LNX1: variants seen among roughly 807,000 people sequenced by gnomAD.
LNX1 encodes the protein E3 ubiquitin-protein ligase LNX.
A neutral mutation model predicts 68.4 loss-of-function variants in LNX1; 54 were observed. The observed-to-expected ratio is 0.79, with a 90% CI of 0.63 to 0.99. The LOEUF (loss-of-function observed/expected upper bound fraction) is 0.99, where lower values mean the gene tolerates loss of function less well. Among genes scored for constraint, LNX1 ranks in the 50% least tolerant of loss-of-function variants. The pLI is 0.00. For synonymous variants in LNX1, 336 were observed against 350.0 expected (o/e 0.96, Z 0.45); for missense variants, 906 against 926.4 (o/e 0.98, Z 0.29).
At chr4:53,540,599 T>C (rs1285900717) in intron 2 of LNX1, among the ~76,000 whole-genome samples, 2 of 151,744 alleles carry the variant, frequency 1.3e-5, no homozygotes, top group Admixed American at 1.3e-4. Flanking sequence ...GAAGAATTGC[T>C]TGAACCCAGG....
chr4:53,572,239 AG>A (rs1731212659), intron 2 of LNX1, among the ~76,000 whole-genome samples: 1 of 152,124 alleles, frequency 6.6e-6, no homozygotes, highest in African/African-American at 2.4e-5. Context: ...TTTCAGCAAA[AG>A]TCACAAATAG....
chr4:53,594,942 C>T (rs1283888968), upstream of LNX1, among the ~76,000 whole-genome samples: 3 of 151,882 alleles, frequency 2.0e-5, no homozygotes, highest in African/African-American at 4.8e-5. Context: ...AAACTCCTGA[C>T]CTCAAGTGAT....
chr4:53,616,820 A>G (rs1338409846), intron 1 of LNX1, among the ~76,000 whole-genome samples: 1 of 152,222 alleles, frequency 6.6e-6, no homozygotes, highest in Non-Finnish European at 1.5e-5. Flanking sequence ...TCCCAAGATA[A>G]CATAGGTAAA....
chr4:53,644,524 T>C (rs895291210), intron 1 of LNX1, among the ~76,000 whole-genome samples: 1 of 152,240 alleles, frequency 6.6e-6, no homozygotes, highest in South Asian at 2.1e-4. Flanking sequence ...TGTTGACATA[T>C]GCTATATGTT....
At chr4:53,558,900 A>G (rs1224824830) in intron 2 of LNX1, among the ~76,000 whole-genome samples, 1 of 152,146 alleles carries the variant, frequency 6.6e-6, no homozygotes, top group African/African-American at 2.4e-5. Flanking sequence ...TTCCAGCTTT[A>G]AGATCTGGGA....
intron 2 of LNX1, among the ~76,000 whole-genome samples, chr4:53,571,037 AAAAG>A (rs1202230462): frequency 6.6e-6 from 1 of 151,886 alleles, no homozygotes; most frequent in Non-Finnish European, 1.5e-5. Flanking sequence ...AAAAAAAAAA[AAAAG>A]AATCTTTTTT....
chr4:53,595,081 G>A (rs1442326464), upstream of LNX1, among the ~76,000 whole-genome samples: 1 of 152,190 alleles, frequency 6.6e-6, no homozygotes, highest in Admixed American at 6.5e-5. Context: ...TATTGGTGTT[G>A]GCTGGTGCCA....
intron 1 of LNX1, among the ~76,000 whole-genome samples, chr4:53,631,370 T>C (rs145212335): frequency 1.5e-3 from 235 of 152,324 alleles, no homozygotes; most frequent in Admixed American, 2.6e-3. Flanking sequence ...GAAAGAGACC[T>C]GCTAAAGAAG....
chr4:53,635,308 C>G (rs939217802), intron 1 of LNX1, among the ~76,000 whole-genome samples: 1 of 152,174 alleles, frequency 6.6e-6, no homozygotes, highest in Non-Finnish European at 1.5e-5. Context: ...AACTAGATCC[C>G]CCCTTCCGGA....
intron 2 of LNX1, 57 bp downstream of exon 2, chr4:53,573,566 G>A (rs1731296687): frequency 8.2e-7 from 1 of 1,221,530 alleles, no homozygotes; most frequent in Non-Finnish European, 1.2e-6. Context: ...GGGGGTGGAG[G>A]GGTCCAGCTG....
chr4:53,518,926 G>C (rs1468829337), intron 2 of LNX1, among the ~76,000 whole-genome samples: 1 of 152,234 alleles, frequency 6.6e-6, no homozygotes, highest in Non-Finnish European at 1.5e-5. Flanking sequence ...AAATGGCACA[G>C]GCTGGCAAGT....
chr4:53,583,726 T>A (rs182829151), intron 1 of LNX1, among the ~76,000 whole-genome samples: 1 of 152,300 alleles, frequency 6.6e-6, no homozygotes, highest in East Asian at 1.9e-4. Context: ...GAGTCCCAAG[T>A]GGCTAGACAA....
chr4:53,564,056 G>A (rs1480869638), intron 2 of LNX1, among the ~76,000 whole-genome samples: 2 of 152,244 alleles, frequency 1.3e-5, no homozygotes, highest in East Asian at 1.9e-4. Context: ...GTGGGCGCCT[G>A]TGAAGGACTC....
chr4:53,554,485 ATT>A (rs2109713627), intron 2 of LNX1, among the ~76,000 whole-genome samples: 1 of 152,390 alleles, frequency 6.6e-6, no homozygotes, highest in African/African-American at 2.4e-5. Flanking sequence ...GCTTTCAGGC[ATT>A]ATATATTCAT....
At chr4:53,564,576 G>C (rs1347129517) in intron 2 of LNX1, among the ~76,000 whole-genome samples, 2 of 152,172 alleles carry the variant, frequency 1.3e-5, no homozygotes, top group African/African-American at 4.8e-5. Context: ...CAGAACCTCT[G>C]AGTATGTCAC....
At chr4:53,622,351 T>C (rs890235738), upstream of LNX1, among the ~76,000 whole-genome samples, 11 of 152,168 alleles carry the variant, frequency 7.2e-5, no homozygotes, top group African/African-American at 2.7e-4. Context: ...CTGACAATTT[T>C]CAAACCACTA....
At chr4:53,514,696 T>C (rs1726622583) in intron 2 of LNX1, among the ~76,000 whole-genome samples, 1 of 151,924 alleles carries the variant, frequency 6.6e-6, no homozygotes, top group South Asian at 2.1e-4. Flanking sequence ...ATTATCTAAA[T>C]TGGCTATCTA....
At chr4:53,541,148 A>AAAAAAAAAAAAAAAG (rs1560654435) in intron 2 of LNX1, among the ~76,000 whole-genome samples, 1 of 140,836 alleles carries the variant, frequency 7.1e-6, no homozygotes, top group Admixed American at 7.0e-5. Context: ...AAAAAAAAAG[A>AAAAAAAAAAAAAAAG]AAAAAAAAAA....
chr4:53,605,039 G>A (rs1733172019), intron 2 of LNX1, among the ~76,000 whole-genome samples: 1 of 152,124 alleles, frequency 6.6e-6, no homozygotes, highest in Admixed American at 6.6e-5. Context: ...ATAGTGAAGT[G>A]GAAGCTGCCA....
Sources: gnomAD v4.1 joint callset for allele counts (sites outside exome capture counted in the v4.1 genomes callset) on GRCh38, gnomAD v4.1.1 for gene constraint, MANE v1.5 for transcripts, NCBI Gene and HGNC (gene_info 2026-07-23, HGNC 2026-07-21) for gene names.